The following BMP2K variants were observed in gnomAD, a reference collection of about 807,000 sequenced individuals.
BMP2K encodes BMP-2-inducible protein kinase.
BMP2K carries 74 observed loss-of-function variants against 116.0 expected under a neutral mutation model. The observed-to-expected ratio is 0.64, with a 90% CI of 0.53 to 0.77. BMP2K has a LOEUF of 0.77. BMP2K is among the 30% of genes least tolerant of loss of function. BMP2K has a pLI of 0.00. For synonymous variants in BMP2K, 486 were observed against 502.5 expected, an observed-to-expected ratio of 0.97 and a Z score of 0.44; for missense variants, 1,365 against 1,403.6, an observed-to-expected ratio of 0.97 and a Z score of 0.44.
chr4:78,776,664 G>T lies in BMP2K; in HGVS notation c.121G>T (p.Val41Phe). 4.9e-6 allele frequency: 6 copies of T among 1,237,082 alleles called. No individual in the cohort carries two copies. The highest frequency in any genetic ancestry group is 6.1e-6 in the Non-Finnish European group (6 of 986,242). The allele number at this position is 1,237,082 out of a possible 1,614,324, so 76.6% of individuals were successfully genotyped here. A position where few individuals can be genotyped will look rare whatever the true frequency, so the allele number is the denominator to read the frequency against. ...GCGSGGSSVG[V>F]RVFAVGRHQV... ...CGGCTCCGGCGGCTCGTCCGTGGGG[G>T]TCCGGGTGTTCGCGGTCGGCCGCCA... is the stretch of plus-strand genomic sequence containing the variant. The change falls in exon 1 of 16, where the codon GTC (valine) becomes TTC (phenylalanine). Residue 41 changes from valine (V) to phenylalanine (F), a missense_variant. By Grantham distance (50) the Val-to-Phe change is conservative. Coordinates refer to ENST00000502613, the MANE Select transcript of BMP2K (RefSeq NM_198892.2).
chr4:78,847,355 G>C, intron 6 of BMP2K, 86 bp downstream of exon 6: 1 of 910,022 alleles, frequency 1.1e-6, no homozygotes, highest in Non-Finnish European at 1.6e-6. Context: ...CTCCCCAAAA[G>C]GCATTTCCTA....
At chr4:78,829,402 G>GTTTTTTTTTTTTTTT (rs79345386) in intron 2 of BMP2K, among the ~76,000 whole-genome samples, 2 of 133,858 alleles carry the variant, frequency 1.5e-5, no homozygotes. Flanking sequence ...ATAGTTTTTT[G>GTTTTTTTTTTTTTTT]TTTTTTTTTT....
intron 1 of BMP2K, among the ~76,000 whole-genome samples, chr4:78,823,845 A>G (rs566060320): frequency 3.4e-4 from 52 of 152,112 alleles, no homozygotes; most frequent in Non-Finnish European, 5.9e-4. Context: ...AACAAATGCT[A>G]TTTAAATGAT....
chr4:78,907,757 G>T (rs1442488314), intron 15 of BMP2K, among the ~76,000 whole-genome samples: 11 of 152,150 alleles, frequency 7.2e-5, no homozygotes, highest in Non-Finnish European at 8.8e-5. Context: ...TGAGACCACA[G>T]AACTGTTTGT....
chr4:78,820,892 A>G (rs538348430), intron 1 of BMP2K: 1 of 153,180 alleles, frequency 6.5e-6, no homozygotes, highest in Non-Finnish European at 1.5e-5. Flanking sequence ...TTTTAATATT[A>G]CAGTCTTTTA....
intron 1 of BMP2K, among the ~76,000 whole-genome samples, chr4:78,804,756 C>A (rs1728738261): frequency 6.8e-6 from 1 of 146,864 alleles, no homozygotes. Flanking sequence ...TTCTATTCTG[C>A]TTTTTGTAAA....
intron 15 of BMP2K, among the ~76,000 whole-genome samples, chr4:78,900,639 C>G (rs1011963155): frequency 6.6e-6 from 1 of 152,150 alleles, no homozygotes; most frequent in African/African-American, 2.4e-5. Flanking sequence ...AATGATCTTT[C>G]TGATTTATTT....
At chr4:78,805,210 C>A (rs1248320350) in intron 1 of BMP2K, among the ~76,000 whole-genome samples, 1 of 152,140 alleles carries the variant, frequency 6.6e-6, no homozygotes, top group Admixed American at 6.5e-5. Context: ...TGTTGAAAAT[C>A]AATTGATCAT....
At chr4:78,844,880 A>C (rs370859186) in intron 4 of BMP2K, 48 bp from the exon 5 acceptor site, 28 of 1,496,422 alleles carry the variant, frequency 1.9e-5, no homozygotes, top group Non-Finnish European at 2.5e-5. Flanking sequence ...GTAAAAAGTT[A>C]ATTTTCACTT....
chr4:78,778,133 T>A (rs1026846415), intron 1 of BMP2K, among the ~76,000 whole-genome samples: 6 of 152,212 alleles, frequency 3.9e-5, no homozygotes, highest in Non-Finnish European at 8.8e-5. Flanking sequence ...TTTGAATTGT[T>A]TTAGTAACTA....
At position 78,910,851 on chromosome 4, in the gene BMP2K, A is replaced by T. The variant is rs1224678462; in HGVS notation, c.2304A>T (p.Glu768Asp). Residue 768 changes from glutamate to aspartate, a missense_variant, in exon 16 of 16, where the codon GAA becomes GAT. By Grantham distance (45) the Glu-to-Asp change is conservative (BLOSUM62 2). Coordinates refer to ENST00000502613, the MANE Select transcript of BMP2K (RefSeq NM_198892.2). ...ATGATGAAGAAGTTCTTCAGGGGGA[A>T]CAAGGAGATTTTAATGATGATGATA... ...EQDDEEVLQG[E>D]QGDFNDDDTE... 6.2e-7 allele frequency: 1 copy of T among 1,614,012 alleles called. No individual in the cohort carries two copies. The highest frequency in any genetic ancestry group is 1.3e-5 in the African/African-American group (1 of 75,060).
intron 1 of BMP2K, among the ~76,000 whole-genome samples, chr4:78,803,006 C>T (rs745454058): frequency 8.6e-5 from 13 of 151,970 alleles, no homozygotes; most frequent in Admixed American, 1.3e-4. Context: ...CCTGCCACCA[C>T]GCCCAGCTAA....
intron 9 of BMP2K, among the ~76,000 whole-genome samples, chr4:78,862,761 C>T (rs1329132859): frequency 1.3e-5 from 2 of 152,054 alleles, no homozygotes; most frequent in African/African-American, 4.8e-5. Context: ...AATGGTGTTA[C>T]TTTAAAAATA....
chr4:78,860,804 C>T (rs942949020), intron 8 of BMP2K, among the ~76,000 whole-genome samples: 1 of 138,382 alleles, frequency 7.2e-6, no homozygotes, highest in Admixed American at 7.4e-5. Context: ...GTGAAGCCCT[C>T]GCCATATTGA....
Position 78,788,689 on chromosome 4 carries a change from C to T in BMP2K, c.178+11968C>T, listed in dbSNP as rs187441491. On this transcript the variant is annotated intron_variant, in intron 1 of 15. Transcript: ENST00000502613. ...GTGGGAACTTTAGAAATATTGCAAACTCATGAGTTTTTTTTTTTTTAAATA... is the reference window on the plus strand; with the variant it reads ...GTGGGAACTTTAGAAATATTGCAAATTCATGAGTTTTTTTTTTTTTAAATA... 1.8e-4 allele frequency among the ~76,000 whole-genome samples: 27 copies of T among 147,032 alleles called. No individual in the cohort carries two copies. In the East Asian group the frequency reaches 4.1e-3, roughly 22 times the overall value.
rs541263514 is a variant in BMP2K, at chr4:78,846,944, CAATT to C, written c.669-241_669-238del. Among the ~76,000 whole-genome samples the C allele has an allele frequency of 2.7e-3, 404 of 151,256 alleles. 1 individual carries two copies. The highest frequency in any genetic ancestry group is 4.5e-3 in the Non-Finnish European group (304 of 67,556). ...TTATTTCAGATTTTTATAATAAAGA[CAATT>C]AAGCTTTTAGATTATTAGAAATACT... On this transcript the variant is annotated intron_variant, in intron 5 of 15. Transcript: ENST00000502613.
chr4:78,866,230 G>A (rs928357706), intron 10 of BMP2K, among the ~76,000 whole-genome samples: 8 of 151,922 alleles, frequency 5.3e-5, no homozygotes, highest in Non-Finnish European at 1.2e-4. Flanking sequence ...GGTACAGTGT[G>A]GTACTTAAAA....
intron 1 of BMP2K, among the ~76,000 whole-genome samples, chr4:78,816,123 T>C (rs1729338025): frequency 6.6e-6 from 1 of 152,178 alleles, no homozygotes; most frequent in South Asian, 2.1e-4. Context: ...TTCTTCTTTC[T>C]GTAATCATTT....
intron 10 of BMP2K, among the ~76,000 whole-genome samples, chr4:78,868,449 T>C (rs1324412466): frequency 6.6e-6 from 1 of 152,172 alleles, no homozygotes; most frequent in Admixed American, 6.5e-5. Context: ...AACCATATCA[T>C]TCTACCCCTG....
Sources: gnomAD v4.1 joint callset for allele counts (sites outside exome capture counted in the v4.1 genomes callset) on GRCh38, gnomAD v4.1.1 for gene constraint, MANE v1.5 for transcripts, NCBI Gene and HGNC (gene_info 2026-07-23, HGNC 2026-07-21) for gene names.